Variants in SV2C observed in about 807,000 individuals in gnomAD.
SV2C encodes the protein synaptic vesicle glycoprotein 2C, also known as solute carrier family 22 member B3.
In SV2C, 49 loss-of-function variants were observed where a neutral mutation model predicts 79.7. The observed-to-expected ratio is 0.61, with a 90% CI of 0.49 to 0.78. The LOEUF (loss-of-function observed/expected upper bound fraction) is 0.78, where lower values mean the gene tolerates loss of function less well. Among genes scored for constraint, SV2C ranks in the 30% least tolerant of loss-of-function variants. SV2C has a pLI of 0.00. For missense variants in SV2C, 833 were observed against 912.9 expected (o/e 0.91, Z 1.13); for synonymous variants, 334 against 333.2 (o/e 1.00, Z -0.03).
intron 1 of SV2C, among the ~76,000 whole-genome samples, chr5:76,103,806 T>C (rs922371061): frequency 7.4e-4 from 113 of 152,320 alleles, no homozygotes. Flanking sequence ...AAATAATATC[T>C]ATTTTACACA....
At chr5:76,150,626 CTTTTTTT>C (rs57910684) in intron 2 of SV2C, among the ~76,000 whole-genome samples, 1,007 of 56,470 alleles carry the variant, frequency 0.018, 7 homozygotes, top group African/African-American at 0.067. Context: ...TCATCAAATT[CTTTTTTT>C]TTTTTTTTTT....
At chr5:75,876,585 G>A in the SV2C span, among the ~76,000 whole-genome samples, 32 of 151,950 alleles carry the variant, frequency 2.1e-4, no homozygotes, top group Admixed American at 7.9e-4. Flanking sequence ...AGTTAAAAAA[G>A]GAAGTTACTA....
At chr5:76,230,865 A>G (rs1745396212) in intron 4 of SV2C, among the ~76,000 whole-genome samples, 1 of 152,198 alleles carries the variant, frequency 6.6e-6, no homozygotes, top group Admixed American at 6.5e-5. Flanking sequence ...GTCCTGGACT[A>G]TGAATCAGAG....
chr5:75,917,496 G>A, the SV2C span, among the ~76,000 whole-genome samples: 1 of 152,314 alleles, frequency 6.6e-6, no homozygotes, highest in South Asian at 2.1e-4. Flanking sequence ...AATAATCTAT[G>A]TAAATCTCAT....
At chr5:75,930,263 A>G in the SV2C span, among the ~76,000 whole-genome samples, 6 of 152,134 alleles carry the variant, frequency 3.9e-5, no homozygotes, top group African/African-American at 1.2e-4. Flanking sequence ...ACGTTTGGGA[A>G]GGGGACCAGG....
the SV2C span, among the ~76,000 whole-genome samples, chr5:75,864,985 T>C: frequency 6.6e-6 from 1 of 152,160 alleles, no homozygotes; most frequent in Admixed American, 6.5e-5. Context: ...TGGGAAAAGA[T>C]TCATTGTAAA....
At chr5:76,005,241 T>C in the SV2C span, among the ~76,000 whole-genome samples, 1 of 152,322 alleles carries the variant, frequency 6.6e-6, no homozygotes. Flanking sequence ...GTTTTATATT[T>C]ATGGTTCACA....
chr5:75,881,076 AGAGCAAGTACTCT>A, the SV2C span, among the ~76,000 whole-genome samples: 1 of 152,126 alleles, frequency 6.6e-6, no homozygotes, highest in East Asian at 1.9e-4. Flanking sequence ...ACATGAACTC[AGAGCAAGTACTCT>A]CAACACCAAG....
intron 4 of SV2C, among the ~76,000 whole-genome samples, chr5:76,252,779 A>T (rs1422329435): frequency 1.3e-5 from 2 of 152,222 alleles, no homozygotes; most frequent in Non-Finnish European, 2.9e-5. Context: ...GAATTGAGTG[A>T]TGTAGCCATA....
chr5:76,265,985 G>A (rs1006410187), intron 4 of SV2C, among the ~76,000 whole-genome samples: 1 of 152,020 alleles, frequency 6.6e-6, no homozygotes, highest in Non-Finnish European at 1.5e-5. Flanking sequence ...TACAAAACAG[G>A]CTATGGCAGG....
rs146415005 is a variant in SV2C at position 76,132,055 on chromosome 5, C to T, written c.305C>T (p.Ala102Val). The T allele has an allele frequency of 2.1e-4, 337 of 1,611,036 alleles. No individual in the cohort carries two copies. The highest frequency in any genetic ancestry group is 2.7e-4 in the Non-Finnish European group (315 of 1,178,336). The stretch of plus-strand genomic sequence containing the variant: ...CAGGGCATCCCCAGTATGAACCAAG[C>T]GAAGGACAGCATCGTGTCAGTGGGG... The part of the protein sequence containing the change: ...EYQGIPSMNQ[A>V]KDSIVSVGQP... The change falls in exon 2 of 13, where the codon GCG becomes GTG. Residue 102 changes from alanine (A) to valine (V), a missense_variant. By Grantham distance (64) the Ala-to-Val change is moderately conservative. Coordinates refer to ENST00000502798, the MANE Select transcript of SV2C (RefSeq NM_014979.4).
the SV2C span, among the ~76,000 whole-genome samples, chr5:75,924,316 C>T: frequency 1.3e-5 from 2 of 152,120 alleles, no homozygotes; most frequent in African/African-American, 4.8e-5. Flanking sequence ...GTACACTGCT[C>T]ATGTTACAGG....
chr5:76,029,204 C>T, the SV2C span, among the ~76,000 whole-genome samples: 245 of 152,332 alleles, frequency 1.6e-3, 1 homozygote, highest in African/African-American at 5.6e-3. Flanking sequence ...AACATATGCA[C>T]TACCTCACAC....
chr5:76,346,564 G>GTGGCAGTC (rs1313265191), intron 12 of SV2C, among the ~76,000 whole-genome samples: 1 of 152,238 alleles, frequency 6.6e-6, no homozygotes, highest in Non-Finnish European at 1.5e-5. Flanking sequence ...CACCTGCTAC[G>GTGGCAGTC]TGGCAGTCGC....
At chr5:76,216,145 T>C (rs770696921) in intron 4 of SV2C, among the ~76,000 whole-genome samples, 3 of 152,194 alleles carry the variant, frequency 2.0e-5, no homozygotes, top group Non-Finnish European at 4.4e-5. Flanking sequence ...TGGAGTCCAC[T>C]CAGCCTGCTG....
the SV2C span, among the ~76,000 whole-genome samples, chr5:75,996,311 T>A: frequency 2.0e-5 from 3 of 152,196 alleles, no homozygotes; most frequent in East Asian, 5.8e-4. Context: ...GCAGCATTAT[T>A]TCTGAGGGCT....
At chr5:76,298,556 G>A (rs1193778032) in intron 9 of SV2C, among the ~76,000 whole-genome samples, 2 of 152,190 alleles carry the variant, frequency 1.3e-5, no homozygotes, top group Admixed American at 1.3e-4. Context: ...AGGGAAGTTA[G>A]GAGTGTCATC....
the SV2C span, among the ~76,000 whole-genome samples, chr5:75,919,011 A>G: frequency 2.0e-5 from 3 of 152,200 alleles, no homozygotes; most frequent in South Asian, 6.2e-4. Context: ...GGCAGAATTC[A>G]TGATTTCTTG....
intron 12 of SV2C, among the ~76,000 whole-genome samples, chr5:76,343,093 T>G (rs1749474703): frequency 6.6e-6 from 1 of 152,176 alleles, no homozygotes; most frequent in Non-Finnish European, 1.5e-5. Context: ...GTTATCAACC[T>G]CTCCGTTTAG....
Sources: gnomAD v4.1 joint callset for allele counts (sites outside exome capture counted in the v4.1 genomes callset) on GRCh38, gnomAD v4.1.1 for gene constraint, MANE v1.5 for transcripts, NCBI Gene and HGNC (gene_info 2026-07-23, HGNC 2026-07-21) for gene names.